MCM8: variants seen among roughly 807,000 people sequenced by gnomAD.
The protein encoded by MCM8 is DNA helicase MCM8.
In MCM8, 85 loss-of-function variants were observed where a neutral mutation model predicts 98.9. The ratio of observed to expected loss-of-function variants is 0.86; its 90% CI spans 0.72 to 1.03. The LOEUF (loss-of-function observed/expected upper bound fraction) is 1.03. Among genes scored for constraint, MCM8 ranks in the 50% least tolerant of loss-of-function variants. The pLI is 0.00. For missense variants in MCM8, 951 were observed against 997.8 expected (o/e 0.95, Z 0.63); for synonymous variants, 352 against 338.6 (o/e 1.04, Z -0.44).
intron 13 of MCM8, among the ~76,000 whole-genome samples, chr20:5,981,546 CTG>C (rs772900698): frequency 1.3e-5 from 2 of 151,976 alleles, no homozygotes; most frequent in East Asian, 1.9e-4. Context: ...AAAGTGCAAA[CTG>C]TAGCTGGAAA....
chr20:5,963,422 T>C, intron 8 of MCM8, 63 bp downstream of exon 8: 1 of 1,194,792 alleles, frequency 8.4e-7, no homozygotes, highest in Non-Finnish European at 1.2e-6. Flanking sequence ...AGAAAATCCA[T>C]AATTTTACTG....
Position 5,983,122 on chromosome 20 carries a change from G to A in MCM8, c.1690G>A (p.Gly564Arg), listed in dbSNP as rs777607058. 6.2e-6 allele frequency: 10 copies of A among 1,613,664 alleles called. No homozygotes were observed. The highest frequency in any genetic ancestry group is 3.3e-5 in the Admixed American group (2 of 59,912). Reference protein sequence around the residue: ...TSIIAAANPVGGHYNKAKTVS... With the variant: ...TSIIAAANPVRGHYNKAKTVS... ...CATTATTGCTGCTGCAAATCCAGTT[G>A]GAGGACATTACAATAAAGCCAAAAC... Residue 564 changes from glycine to arginine, a missense_variant, in exon 14 of 19, where the codon GGA becomes AGA. By Grantham distance (125) the Gly-to-Arg change is moderately radical (BLOSUM62 -2). Transcript: ENST00000610722.
intron 4 of MCM8, among the ~76,000 whole-genome samples, 172 bp from the exon 5 acceptor site, chr20:5,954,930 A>G (rs1356485328): frequency 2.0e-5 from 3 of 152,232 alleles, no homozygotes; most frequent in Admixed American, 1.3e-4. Flanking sequence ...TAATACATTA[A>G]TATATTTAAA....
chr20:5,981,179 C>T (rs1157490943), intron 13 of MCM8, among the ~76,000 whole-genome samples: 1 of 152,334 alleles, frequency 6.6e-6, no homozygotes, highest in East Asian at 1.9e-4. Flanking sequence ...AGTAGCTTGA[C>T]TTTGTTCCTA....
At chr20:5,963,829 C>T (rs2089212619) in intron 8 of MCM8, among the ~76,000 whole-genome samples, 2 of 152,314 alleles carry the variant, frequency 1.3e-5, no homozygotes, top group South Asian at 4.1e-4. Flanking sequence ...AGCCACCGCT[C>T]CTAGCCTAAT....
chr20:5,972,333 G>C (rs2089421711), intron 11 of MCM8, among the ~76,000 whole-genome samples: 1 of 151,506 alleles, frequency 6.6e-6, no homozygotes, highest in South Asian at 2.1e-4. Flanking sequence ...AGCCTCCTGA[G>C]TAGCTGGAAC....
At chr20:5,954,951 C>A in intron 4 of MCM8, 151 bp from the exon 5 acceptor site, 1 of 628,336 alleles carries the variant, frequency 1.6e-6, no homozygotes, top group Non-Finnish European at 2.7e-6. Flanking sequence ...ATATCAGAAC[C>A]ATGCTTGGCA....
intron 4 of MCM8, 130 bp from the exon 5 acceptor site, chr20:5,954,972 A>G: frequency 1.5e-6 from 1 of 673,872 alleles, no homozygotes; most frequent in African/African-American, 1.9e-5. Flanking sequence ...CAAAGCTTAT[A>G]CTTATGTCAT....
chr20:5,975,787 C>T (rs1198340493), intron 12 of MCM8, among the ~76,000 whole-genome samples: 6 of 151,298 alleles, frequency 4.0e-5, no homozygotes, highest in Admixed American at 1.3e-4. Context: ...TGAGCCACCA[C>T]GCCTGGCCTT....
At chr20:5,953,851 A>AT (rs2088900783) in intron 3 of MCM8, among the ~76,000 whole-genome samples, 1 of 151,958 alleles carries the variant, frequency 6.6e-6, no homozygotes, top group Non-Finnish European at 1.5e-5. Context: ...TGCAGTAGTC[A>AT]TTTTGTGAAT....
chr20:5,976,193 G>A (rs981893702), intron 12 of MCM8, among the ~76,000 whole-genome samples: 1 of 152,208 alleles, frequency 6.6e-6, no homozygotes, highest in African/African-American at 2.4e-5. Flanking sequence ...TCAGGAGGCT[G>A]AAGTGGGAGA....
chr20:5,973,774 C>T (rs1447722001), intron 12 of MCM8, among the ~76,000 whole-genome samples: 3 of 151,684 alleles, frequency 2.0e-5, no homozygotes. Context: ...TGTGCCTCAG[C>T]CTCCTGAGTA....
intron 3 of MCM8, among the ~76,000 whole-genome samples, chr20:5,952,984 A>G (rs1269560911): frequency 2.6e-5 from 4 of 152,328 alleles, no homozygotes; most frequent in Admixed American, 2.0e-4. Context: ...TCTGAAGGCT[A>G]CCTTACAGAG....
Position 5,993,653 on chromosome 20 carries a change from A to G in MCM8, c.2388A>G (p.Gln796=), listed in dbSNP as rs754878516. The part of the protein sequence containing the change: ...VAERTYNNIF[Q]FHQLRQIAKE... The stretch of plus-strand genomic sequence containing the variant: ...AAAGAACTTATAATAATATATTTCA[A>G]TTTCATCAACTTCGGCAGATTGCCA... The change falls in exon 18 of 19, where the codon CAA becomes CAG. Residue 796 remains glutamine (Q), a synonymous_variant. Transcript: ENST00000610722. 4 of 1,609,444 alleles carry G rather than the reference A, an allele frequency of 2.5e-6. No individual in the cohort carries two copies. The East Asian group carries it at 6.7e-5, about 27-fold the overall frequency.
chr20:5,987,286 G>A lies in MCM8; in HGVS notation c.2168G>A (p.Arg723Gln), dbSNP rs780665991. 33 of 1,612,708 alleles carry A rather than the reference G, an allele frequency of 2.0e-5. No homozygotes were observed. The highest frequency in any genetic ancestry group is 4.4e-5 in the South Asian group (4 of 90,784). ...AAATGGTGTTTTCTTTTAAAGGCACGAGCAAGGTTGGAATTGAGAGAGGAA... is the reference window on the plus strand; with the variant it reads ...AAATGGTGTTTTCTTTTAAAGGCACAAGCAAGGTTGGAATTGAGAGAGGAA... ...LESLIRLTEA[R>Q]ARLELREEAT... The change falls in exon 17 of 19, where the codon CGA becomes CAA. Residue 723 changes from arginine (R) to glutamine (Q), a missense_variant. Coordinates refer to ENST00000610722, the MANE Select transcript of MCM8 (RefSeq NM_032485.6).
chr20:5,965,708 T>C (rs2089261531), intron 8 of MCM8, among the ~76,000 whole-genome samples: 1 of 152,206 alleles, frequency 6.6e-6, no homozygotes, highest in South Asian at 2.1e-4. Context: ...GTGTGCATCA[T>C]ATTTGGACTG....
chr20:5,989,136 T>TTTTTTTTTTTTTTTTA (rs60703243), intron 17 of MCM8, among the ~76,000 whole-genome samples: 1 of 150,148 alleles, frequency 6.7e-6, no homozygotes, highest in Non-Finnish European at 1.5e-5. Flanking sequence ...TTTTTTTTTT[T>TTTTTTTTTTTTTTTTA]GAGACAGTCT....
In MCM8 at chr20:5,998,866, C is replaced by T. The variant is rs1162022036; in HGVS notation, c.*4475C>T. 6.6e-6 allele frequency: 1 copy of T among 152,100 alleles called. No individual in the cohort carries two copies. The highest frequency in any genetic ancestry group is 2.4e-5 in the African/African-American group (1 of 41,402). 9.4% of individuals were successfully genotyped at this position (152,100 alleles called of 1,614,324 possible). On this transcript the variant is annotated 3_prime_UTR_variant, in exon 19 of 19. Coordinates refer to ENST00000610722, the MANE Select transcript of MCM8 (RefSeq NM_032485.6). ...TACCAGGCTTGCTCTAGAGCGTGGG[C>T]TTGGGAATGGAAAGGCAGAGTGCAC...
At chr20:5,987,972 A>G (rs549232330) in intron 17 of MCM8, among the ~76,000 whole-genome samples, 2 of 152,332 alleles carry the variant, frequency 1.3e-5, no homozygotes, top group South Asian at 4.1e-4. Context: ...GCTAAATTGT[A>G]TCCTTTGCAT....
Sources: gnomAD v4.1 joint callset for allele counts (sites outside exome capture counted in the v4.1 genomes callset) on GRCh38, gnomAD v4.1.1 for gene constraint, MANE v1.5 for transcripts, NCBI Gene and HGNC (gene_info 2026-07-23, HGNC 2026-07-21) for gene names.